The following PGGT1B variants were observed in gnomAD, a reference collection of about 807,000 sequenced individuals.
PGGT1B encodes geranylgeranyl transferase type-1 subunit beta.
In PGGT1B, 30 loss-of-function variants were observed where a neutral mutation model predicts 46.1. The observed-to-expected ratio is 0.65, with a 90% CI of 0.49 to 0.88. The LOEUF (loss-of-function observed/expected upper bound fraction) is 0.88. Ranked by LOEUF, PGGT1B falls within the 40% of genes least tolerant of loss-of-function variation. The pLI is 0.00. For synonymous variants in PGGT1B, 170 were observed against 160.0 expected (o/e 1.06, Z -0.47); for missense variants, 376 against 455.9 (o/e 0.82, Z 1.60).
chr5:115,257,944 A>C (rs1316942511), intron 1 of PGGT1B, among the ~76,000 whole-genome samples: 2 of 152,228 alleles, frequency 1.3e-5, no homozygotes, highest in Non-Finnish European at 1.5e-5. Context: ...CTTCGAAACA[A>C]ATGACTGAAA....
Position 115,227,493 on chromosome 5 carries a change from C to G in PGGT1B, c.658+3483G>C, listed in dbSNP as rs533274524. ...TCATCCAAATTCTTCTTACTCTTGC[C>G]CTGGTTACGTCAGGCCCACATACAG... On this transcript the variant is annotated intron_variant, in intron 6 of 8. Coordinates refer to ENST00000419445, the MANE Select transcript of PGGT1B (RefSeq NM_005023.4). Among the ~76,000 whole-genome samples, 28 of 152,242 alleles carry G rather than the reference C, an allele frequency of 1.8e-4. No homozygotes were observed. In the East Asian group the frequency reaches 5.2e-3, roughly 28 times the overall value.
At chr5:115,224,828 T>A (rs1361717019) in intron 6 of PGGT1B, among the ~76,000 whole-genome samples, 7 of 140,684 alleles carry the variant, frequency 5.0e-5, no homozygotes, top group Non-Finnish European at 7.6e-5. Flanking sequence ...AGAGAGACTA[T>A]GTCTCAAAAA....
At chr5:115,215,543 C>A (rs1756389480) in intron 8 of PGGT1B, among the ~76,000 whole-genome samples, 1 of 152,112 alleles carries the variant, frequency 6.6e-6, no homozygotes, top group Admixed American at 6.5e-5. Flanking sequence ...AGTGATCCGC[C>A]CACCTCAGCC....
chr5:115,237,626 T>A (rs1757222783), intron 4 of PGGT1B, among the ~76,000 whole-genome samples: 1 of 152,184 alleles, frequency 6.6e-6, no homozygotes, highest in Non-Finnish European at 1.5e-5. Flanking sequence ...TACCCATTGT[T>A]ATTAAGAAGG....
intron 2 of PGGT1B, 74 bp from the exon 3 acceptor site, chr5:115,241,680 C>T (rs1171834824): frequency 9.1e-7 from 1 of 1,097,762 alleles, no homozygotes; most frequent in South Asian, 1.5e-5. Context: ...TTTAATTACA[C>T]AATCTTTCAG....
chr5:115,222,829 G>A (rs1387014211), intron 6 of PGGT1B, among the ~76,000 whole-genome samples: 1 of 152,190 alleles, frequency 6.6e-6, no homozygotes, highest in Non-Finnish European at 1.5e-5. Context: ...GGACACGGAT[G>A]AAGCTGGAAA....
rs781486872 is a variant in PGGT1B at position 115,238,017 on chromosome 5, C to T, written c.328-8G>A. The stretch of plus-strand genomic sequence containing the variant: ...ATGAGCTGTTCCAGGAGCCTAAATA[C>T]AAAATTAATATAGTACTAATTAATG... On this transcript the variant is annotated splice_polypyrimidine_tract_variant and splice_region_variant and intron_variant, in intron 3 of 8. Transcript: ENST00000419445. The T allele has an allele frequency of 6.5e-5, 103 of 1,579,306 alleles. No individual in the cohort carries two copies. The highest frequency in any genetic ancestry group is 1.8e-4 in the Middle Eastern group (1 of 5,662).
chr5:115,229,650 C>T (rs1347653128), intron 6 of PGGT1B, among the ~76,000 whole-genome samples: 1 of 152,116 alleles, frequency 6.6e-6, no homozygotes, highest in Non-Finnish European at 1.5e-5. Context: ...GGTGAGGTGA[C>T]TCCTTAGCCA....
At chr5:115,260,822 T>C (rs1055917018) in intron 1 of PGGT1B, among the ~76,000 whole-genome samples, 1 of 152,140 alleles carries the variant, frequency 6.6e-6, no homozygotes, top group Non-Finnish European at 1.5e-5. Flanking sequence ...AGTCAGAAAA[T>C]TTGTGCTGTT....
intron 8 of PGGT1B, among the ~76,000 whole-genome samples, chr5:115,215,069 G>T (rs977791392): frequency 1.3e-5 from 2 of 152,174 alleles, no homozygotes; most frequent in African/African-American, 4.8e-5. Context: ...TGAGATCTTG[G>T]CTCACTGCAA....
rs761307269 is a variant in PGGT1B at position 115,212,361 on chromosome 5, G to A, written c.*41C>T. 1.2e-6 allele frequency: 2 copies of A among 1,607,514 alleles called. No homozygotes were observed. Among genetic ancestry groups the A allele is most frequent in the African/African-American group, 2.7e-5 (2 of 74,688 alleles). ...ACATGGCTTTTAAACTTGAGCTACAGTTATGCTACAAATCCCCCCACCCTC... is the reference window on the plus strand; with the variant it reads ...ACATGGCTTTTAAACTTGAGCTACAATTATGCTACAAATCCCCCCACCCTC... On this transcript the variant is annotated 3_prime_UTR_variant, in exon 9 of 9. Transcript: ENST00000419445.
intron 8 of PGGT1B, among the ~76,000 whole-genome samples, chr5:115,213,320 T>A (rs1318732021): frequency 6.6e-6 from 1 of 152,202 alleles, no homozygotes; most frequent in Non-Finnish European, 1.5e-5. Flanking sequence ...AAGTGGCCAA[T>A]GAAATCACAT....
chr5:115,221,940 T>C lies in PGGT1B; in HGVS notation c.727A>G (p.Lys243Glu). 6.2e-7 allele frequency: 1 copy of C among 1,604,420 alleles called. No individual in the cohort carries two copies. The highest frequency in any genetic ancestry group is 8.5e-7 in the Non-Finnish European group (1 of 1,175,888). ...CACCTCTTTATCCTGTTCAATTCTT[T>C]TTCTGAAAAAACTTCTTCTAGTTTA... ...MGKLEEVFSE[K>E]ELNRIKRWCI... is the part of the protein sequence containing the mutation. The change falls in exon 7 of 9, where the codon AAA (lysine) becomes GAA (glutamate). Residue 243 changes from lysine to glutamate, a missense_variant. By Grantham distance (56) the Lys-to-Glu change is moderately conservative. Around this residue, in one of 2 missense-constraint regions of PGGT1B, gnomAD observed 222 missense variants for 313.6 expected, o/e 0.71. Coordinates refer to ENST00000419445, the MANE Select transcript of PGGT1B (RefSeq NM_005023.4).
At chr5:115,238,291 ATTTTTTTTTT>A (rs35711954) in intron 3 of PGGT1B, among the ~76,000 whole-genome samples, 3,449 of 47,026 alleles carry the variant, frequency 0.073, 254 homozygotes, top group African/African-American at 0.25. Flanking sequence ...ATTTTTTTGG[ATTTTTTTTTT>A]TTTTTTTTTT....
At chr5:115,229,355 G>A (rs1756902231) in intron 6 of PGGT1B, among the ~76,000 whole-genome samples, 1 of 152,046 alleles carries the variant, frequency 6.6e-6, no homozygotes, top group Admixed American at 6.6e-5. Context: ...GTGACACTAT[G>A]ATTAAAAGGC....
intron 2 of PGGT1B, among the ~76,000 whole-genome samples, chr5:115,252,350 G>C (rs534818906): frequency 6.6e-6 from 1 of 152,016 alleles, no homozygotes; most frequent in South Asian, 2.1e-4. Flanking sequence ...GCCAAACAGA[G>C]AAAACCTTTC....
rs2126979685 is a variant in PGGT1B at position 115,206,512 on chromosome 5, G to A, written c.*5890C>T. 6.6e-6 allele frequency: 1 copy of A among 152,100 alleles called. No individual in the cohort carries two copies. Among genetic ancestry groups the A allele is most frequent in the African/African-American group, 2.4e-5 (1 of 41,542 alleles). The allele number at this position is 152,100 out of a possible 1,614,324, so 9.4% of individuals were successfully genotyped here. On this transcript the variant is annotated 3_prime_UTR_variant, in exon 9 of 9. Coordinates refer to ENST00000419445, the MANE Select transcript of PGGT1B (RefSeq NM_005023.4). ...CCTTTACTGTATTCTAAATGCCACT[G>A]AGTCTATTTCTGGAATTCCTCTTCT... is the stretch of plus-strand genomic sequence containing the variant.
intron 1 of PGGT1B, among the ~76,000 whole-genome samples, chr5:115,254,098 T>G (rs1263858912): frequency 6.6e-6 from 1 of 152,098 alleles, no homozygotes; most frequent in Non-Finnish European, 1.5e-5. Flanking sequence ...ACAGCAGAGC[T>G]ACCTGATGTA....
intron 2 of PGGT1B, among the ~76,000 whole-genome samples, chr5:115,242,049 T>C (rs116775562): frequency 0.011 from 1,658 of 152,334 alleles, 17 homozygotes; most frequent in African/African-American, 0.026. Context: ...CTTTAACTCA[T>C]TGCTTCTTTA....
Sources: gnomAD v4.1 joint callset for allele counts (sites outside exome capture counted in the v4.1 genomes callset) on GRCh38, gnomAD v4.1.1 for gene constraint, gnomAD v4.1.1 regional missense constraint, MANE v1.5 for transcripts, NCBI Gene and HGNC (gene_info 2026-07-23, HGNC 2026-07-21) for gene names.